The following FER1L6 variants were observed in gnomAD, a reference collection of about 807,000 sequenced individuals.
The protein encoded by FER1L6 is fer-1-like protein 6.
A neutral mutation model predicts 219.2 loss-of-function variants in FER1L6; 177 were observed. That is an observed-to-expected ratio of 0.81 (90% CI 0.71 to 0.91). FER1L6 has a LOEUF of 0.91. FER1L6 is among the 40% of genes least tolerant of loss of function. The pLI is 0.00. For synonymous variants in FER1L6, 768 were observed against 824.3 expected, an observed-to-expected ratio of 0.93 and a Z score of 1.17; for missense variants, 2,153 against 2,259.9, an observed-to-expected ratio of 0.95 and a Z score of 0.96.
At chr8:124,017,352 T>A (rs1346957627) in intron 15 of FER1L6, among the ~76,000 whole-genome samples, 1 of 152,160 alleles carries the variant, frequency 6.6e-6, no homozygotes, top group Non-Finnish European at 1.5e-5. Flanking sequence ...GGTTTTGTTA[T>A]GAATTTTTAT....
chr8:123,870,616 G>C (rs1449435326), intron 1 of FER1L6, among the ~76,000 whole-genome samples: 2 of 152,220 alleles, frequency 1.3e-5, no homozygotes, highest in African/African-American at 2.4e-5. Context: ...TAATTATAGA[G>C]ATGATAAATA....
At position 123,986,091 on chromosome 8, in the gene FER1L6, A is replaced by G; in HGVS notation, c.1434A>G (p.Glu478=). ...PPEIVPEKNE[E]FLLFGAFFEA... ...AGATTGTACCAGAAAAAAATGAGGA[A>G]TTTTTACTCTTTGGAGCATTTTTTG... Residue 478 remains glutamate, a synonymous_variant, in exon 12 of 41, where the codon GAA becomes GAG. Transcript: ENST00000522917. 1.2e-6 allele frequency: 2 copies of G among 1,612,276 alleles called. No homozygotes were observed. Among genetic ancestry groups the G allele is most frequent in the African/African-American group, 2.7e-5 (2 of 75,012 alleles).
intron 12 of FER1L6, among the ~76,000 whole-genome samples, chr8:123,987,151 C>T (rs921378061): frequency 2.0e-5 from 3 of 152,156 alleles, no homozygotes; most frequent in African/African-American, 7.2e-5. Flanking sequence ...TATGAGGGTT[C>T]GCTTTTCTCC....
At chr8:124,056,834 C>T (rs1033157156) in intron 22 of FER1L6, among the ~76,000 whole-genome samples, 10 of 152,116 alleles carry the variant, frequency 6.6e-5, no homozygotes, top group Non-Finnish European at 1.5e-4. Context: ...CACCTGAGGT[C>T]GGAAGTTCGA....
At chr8:124,023,641 C>A in intron 18 of FER1L6, 45 bp downstream of exon 18, 1 of 1,597,270 alleles carries the variant, frequency 6.3e-7, no homozygotes, top group Non-Finnish European at 8.6e-7. Context: ...ATTTCTGTTT[C>A]TCTAGGGTGG....
At chr8:123,969,946 G>C in intron 5 of FER1L6, 89 bp from the exon 6 acceptor site, 1 of 956,844 alleles carries the variant, frequency 1.0e-6, no homozygotes. Context: ...CAGTTGGTTT[G>C]AATGACAAAG....
intron 1 of FER1L6, among the ~76,000 whole-genome samples, chr8:123,933,520 T>C (rs1563692677): frequency 6.6e-6 from 1 of 152,228 alleles, no homozygotes; most frequent in Non-Finnish European, 1.5e-5. Context: ...CCAGCTCTTA[T>C]GCATATGTGT....
intron 1 of FER1L6, among the ~76,000 whole-genome samples, chr8:123,895,540 G>T (rs1218011380): frequency 6.6e-6 from 1 of 152,184 alleles, no homozygotes; most frequent in Non-Finnish European, 1.5e-5. Context: ...CTTGCCCACA[G>T]CTCGTAGGTC....
At chr8:124,092,657 G>A (rs1822085011) in intron 34 of FER1L6, among the ~76,000 whole-genome samples, 1 of 152,246 alleles carries the variant, frequency 6.6e-6, no homozygotes, top group African/African-American at 2.4e-5. Context: ...AAATGCCTGA[G>A]ACTGTGTAAT....
intron 7 of FER1L6, 84 bp downstream of exon 7, chr8:123,973,596 G>A: frequency 1.0e-6 from 1 of 987,782 alleles, no homozygotes; most frequent in Non-Finnish European, 1.6e-6. Context: ...TCACTCACCT[G>A]TGTGACCATT....
chr8:123,899,597 C>G (rs562047243), intron 1 of FER1L6, among the ~76,000 whole-genome samples: 36 of 152,236 alleles, frequency 2.4e-4, no homozygotes, highest in Admixed American at 1.2e-3. Flanking sequence ...AAGCCAATGT[C>G]CAGAAGAGTT....
At chr8:123,862,866 C>G (rs921075247) in intron 1 of FER1L6, among the ~76,000 whole-genome samples, 5 of 145,010 alleles carry the variant, frequency 3.4e-5, no homozygotes, top group Non-Finnish European at 7.4e-5. Context: ...TGATTCTTCT[C>G]TCTCTTTTTC....
At chr8:123,972,162 T>C (rs1815850054) in intron 6 of FER1L6, among the ~76,000 whole-genome samples, 1 of 152,202 alleles carries the variant, frequency 6.6e-6, no homozygotes, top group African/African-American at 2.4e-5. Context: ...AGGCTGCCTG[T>C]ACTTCACCTT....
chr8:124,071,622 C>T lies in FER1L6; in HGVS notation c.4083C>T (p.Tyr1361=), dbSNP rs1012724548. ...NHPVTVLIRV[Y]IVAAFNLSPA... is the part of the protein sequence containing the mutation. ...CTGTCACAGTGCTGATCAGAGTATA[C>T]ATTGTCGCGGTGAGCCATTCTTGTT... Residue 1361 remains tyrosine (Y), a synonymous_variant, in exon 31 of 41, where the codon TAC becomes TAT. Coordinates refer to ENST00000522917, the MANE Select transcript of FER1L6 (RefSeq NM_001039112.2). 1.4e-5 allele frequency: 22 copies of T among 1,613,198 alleles called. No homozygotes were observed. Among genetic ancestry groups the T allele is most frequent in the Non-Finnish European group, 1.9e-5 (22 of 1,179,380 alleles).
chr8:123,978,253 GCCT>G (rs1415374783), intron 10 of FER1L6, among the ~76,000 whole-genome samples: 2 of 152,112 alleles, frequency 1.3e-5, no homozygotes, highest in African/African-American at 4.8e-5. Flanking sequence ...GCCAAATATG[GCCT>G]ACTACATATT....
chr8:123,993,628 G>T (rs1399495189), intron 12 of FER1L6, among the ~76,000 whole-genome samples: 1 of 152,144 alleles, frequency 6.6e-6, no homozygotes, highest in East Asian at 1.9e-4. Context: ...GGCCTGCTAT[G>T]TGGATTTTTT....
chr8:123,929,128 G>A (rs1227387225), intron 1 of FER1L6, among the ~76,000 whole-genome samples: 1 of 152,182 alleles, frequency 6.6e-6, no homozygotes, highest in Non-Finnish European at 1.5e-5. Flanking sequence ...CTTGAGAGGT[G>A]TATTAAGGGA....
chr8:123,998,504 GA>G (rs1168238624), intron 12 of FER1L6, among the ~76,000 whole-genome samples: 1 of 151,228 alleles, frequency 6.6e-6, no homozygotes, highest in African/African-American at 2.4e-5. Flanking sequence ...GGCTGGGTCA[GA>G]CCCAAAGCCA....
intron 39 of FER1L6, among the ~76,000 whole-genome samples, chr8:124,104,331 G>C (rs1822672385): frequency 6.6e-6 from 1 of 152,172 alleles, no homozygotes; most frequent in Non-Finnish European, 1.5e-5. Context: ...ATGAGTCATG[G>C]CCTCTGCTCT....
Sources: allele counts gnomAD v4.1 joint callset (sites outside exome capture counted in the v4.1 genomes callset), GRCh38; gene constraint gnomAD v4.1.1; transcripts MANE v1.5; gene names NCBI Gene and HGNC (gene_info 2026-07-23, HGNC 2026-07-21).